The following SLC10A7 variants were observed in gnomAD, a reference collection of about 807,000 sequenced individuals.
SLC10A7 encodes sodium/bile acid cotransporter 7.
In SLC10A7, 29 loss-of-function variants were observed where a neutral mutation model predicts 43.2. That is an observed-to-expected ratio of 0.67 (90% confidence interval 0.50 to 0.92). The LOEUF is 0.92. Among genes scored for constraint, SLC10A7 ranks in the 40% least tolerant of loss-of-function variants. SLC10A7 has a pLI of 0.00. For synonymous variants in SLC10A7, 152 were observed against 144.8 expected (o/e 1.05, Z -0.35); for missense variants, 295 against 403.2 (o/e 0.73, Z 2.30).
intron 6 of SLC10A7, among the ~76,000 whole-genome samples, chr4:146,311,303 A>AAG (rs1316920738): frequency 6.6e-6 from 1 of 152,164 alleles, no homozygotes; most frequent in African/African-American, 2.4e-5. Flanking sequence ...GTTCTTGATG[A>AAG]AGAGATGTTG....
chr4:146,341,882 C>T (rs959366734), intron 5 of SLC10A7, among the ~76,000 whole-genome samples: 2 of 151,432 alleles, frequency 1.3e-5, no homozygotes, highest in Non-Finnish European at 3.0e-5. Flanking sequence ...CACAAATAAC[C>T]CTTGTCGGCC....
chr4:146,510,124 A>C, intron 2 of SLC10A7, 75 bp from the exon 3 acceptor site: 9 of 1,381,248 alleles, frequency 6.5e-6, no homozygotes, highest in South Asian at 1.5e-5. Context: ...CTAAAATAAC[A>C]TCACATGAGT....
At chr4:146,503,023 T>C (rs926020299) in intron 4 of SLC10A7, among the ~76,000 whole-genome samples, 1 of 152,228 alleles carries the variant, frequency 6.6e-6, no homozygotes, top group Non-Finnish European at 1.5e-5. Context: ...TTTATACAGT[T>C]GGTTATATGT....
At chr4:146,486,629 T>C (rs1213968538) in intron 4 of SLC10A7, among the ~76,000 whole-genome samples, 1 of 152,210 alleles carries the variant, frequency 6.6e-6, no homozygotes, top group Non-Finnish European at 1.5e-5. Flanking sequence ...TTTTCCTGGG[T>C]GGGATTGGCT....
At chr4:146,381,863 T>C (rs1398270395) in intron 5 of SLC10A7, among the ~76,000 whole-genome samples, 1 of 152,142 alleles carries the variant, frequency 6.6e-6, no homozygotes, top group East Asian at 1.9e-4. Context: ...GCCTGCTCTC[T>C]ACTTGTCATA....
In SLC10A7 at chr4:146,382,189, G is replaced by A. The variant is rs544357021; in HGVS notation, c.436-56193C>T. On this transcript the variant is annotated intron_variant, in intron 5 of 11. Coordinates refer to ENST00000335472, the MANE Select transcript of SLC10A7 (RefSeq NM_001029998.6). ...ATTATACATGCTGTGCAATTATAGCGATGTTACAAAATAACACTTATGAAT... is the reference window on the plus strand; with the variant it reads ...ATTATACATGCTGTGCAATTATAGCAATGTTACAAAATAACACTTATGAAT... Among the ~76,000 whole-genome samples the A allele has an allele frequency of 6.6e-5, 10 of 152,166 alleles. No homozygotes were observed. In the East Asian group the frequency reaches 9.6e-4, roughly 15 times the overall value.
At chr4:146,263,138 C>G (rs1178497733) in intron 10 of SLC10A7, among the ~76,000 whole-genome samples, 1 of 152,200 alleles carries the variant, frequency 6.6e-6, no homozygotes, top group African/African-American at 2.4e-5. Context: ...CATGACCCAC[C>G]CAACTCCTCT....
chr4:146,267,863 C>T (rs1460706043), intron 10 of SLC10A7, among the ~76,000 whole-genome samples: 1 of 152,176 alleles, frequency 6.6e-6, no homozygotes, highest in South Asian at 2.1e-4. Flanking sequence ...AGAAAGCCAA[C>T]AGCAGCGCCT....
chr4:146,370,645 C>T (rs2149777719), intron 5 of SLC10A7, among the ~76,000 whole-genome samples: 1 of 152,280 alleles, frequency 6.6e-6, no homozygotes, highest in South Asian at 2.1e-4. Flanking sequence ...TACCGGCATT[C>T]AGCCTTTTTT....
At chr4:146,310,472 C>T (rs1216042505) in intron 6 of SLC10A7, among the ~76,000 whole-genome samples, 2 of 152,112 alleles carry the variant, frequency 1.3e-5, no homozygotes, top group Non-Finnish European at 2.9e-5. Flanking sequence ...TCTCTGTAGC[C>T]TCTCCAGTAT....
intron 5 of SLC10A7, among the ~76,000 whole-genome samples, chr4:146,402,739 T>G (rs1739309420): frequency 6.6e-6 from 1 of 152,196 alleles, no homozygotes; most frequent in South Asian, 2.1e-4. Flanking sequence ...CATTTCGCCT[T>G]GAAGACATTC....
chr4:146,446,075 T>C (rs1041934089), intron 4 of SLC10A7, among the ~76,000 whole-genome samples: 1 of 151,922 alleles, frequency 6.6e-6, no homozygotes, highest in African/African-American at 2.4e-5. Context: ...AGGGTGGAGC[T>C]CTCGCCAGGA....
chr4:146,517,272 G>C, intron 1 of SLC10A7, 152 bp from the exon 2 acceptor site: 1 of 495,860 alleles, frequency 2.0e-6, no homozygotes, highest in Non-Finnish European at 3.6e-6. Context: ...AGACCAGCCT[G>C]ACCAACATGG....
rs528234848 is a variant in SLC10A7, at chr4:146,292,374, G to A, written c.773+555C>T. ...GGCAACAAGAGCCTGAATTAAGGAA[G>A]TGGCTTTTGGAGCAGAAAAAATATT... On this transcript the variant is annotated intron_variant, in intron 9 of 11. Transcript: ENST00000335472. Among the ~76,000 whole-genome samples the A allele has an allele frequency of 6.6e-5, 10 of 152,266 alleles. No individual in the cohort carries two copies. The East Asian group carries it at 1.7e-3, about 26-fold the overall frequency.
intron 5 of SLC10A7, among the ~76,000 whole-genome samples, chr4:146,387,025 A>T (rs1053717869): frequency 3.3e-5 from 5 of 152,236 alleles, no homozygotes; most frequent in African/African-American, 1.2e-4. Context: ...ATTAGATTCT[A>T]CTTCTGACCT....
intron 9 of SLC10A7, among the ~76,000 whole-genome samples, chr4:146,290,128 T>G (rs1169433629): frequency 6.6e-6 from 1 of 150,524 alleles, no homozygotes; most frequent in Non-Finnish European, 1.5e-5. Flanking sequence ...ATCCAGACCA[T>G]CCTGGCTAAC....
At chr4:146,363,685 T>C (rs1736206444) in intron 5 of SLC10A7, among the ~76,000 whole-genome samples, 1 of 151,714 alleles carries the variant, frequency 6.6e-6, no homozygotes, top group Admixed American at 6.6e-5. Flanking sequence ...AAACTAGAAA[T>C]GAATAAAAAG....
chr4:146,432,902 G>T (rs1015739048), intron 5 of SLC10A7, among the ~76,000 whole-genome samples: 4 of 151,732 alleles, frequency 2.6e-5, no homozygotes, highest in African/African-American at 9.7e-5. Flanking sequence ...GCCGGGCGTG[G>T]TGGTACGCGC....
chr4:146,384,312 C>CT (rs1165174703), intron 5 of SLC10A7, among the ~76,000 whole-genome samples: 1 of 152,022 alleles, frequency 6.6e-6, no homozygotes, highest in Non-Finnish European at 1.5e-5. Flanking sequence ...TACACAACTT[C>CT]TTTTTAAGCC....
Sources: allele counts gnomAD v4.1 joint callset (sites outside exome capture counted in the v4.1 genomes callset), GRCh38; gene constraint gnomAD v4.1.1; transcripts MANE v1.5; gene names NCBI Gene and HGNC (gene_info 2026-07-23, HGNC 2026-07-21).